PPP2R5C: variants seen among roughly 807,000 people sequenced by gnomAD.
PPP2R5C encodes serine/threonine-protein phosphatase 2A 56 kDa regulatory subunit gamma isoform.
Under a neutral mutation model 68.9 loss-of-function variants are expected in PPP2R5C, and 7 were observed. That is an observed-to-expected ratio of 0.10 (90% CI 0.06 to 0.19). The LOEUF (loss-of-function observed/expected upper bound fraction) is 0.19. Among genes scored for constraint, PPP2R5C ranks in the 10% least tolerant of loss-of-function variants. The pLI is 1.00. For missense variants in PPP2R5C, 348 were observed against 641.3 expected (o/e 0.54, Z 4.94); for synonymous variants, 210 against 222.2 (o/e 0.95, Z 0.49).
chr14:101,816,335 A>G (rs528300993), intron 1 of PPP2R5C, among the ~76,000 whole-genome samples: 18 of 152,358 alleles, frequency 1.2e-4, no homozygotes, highest in African/African-American at 4.1e-4. Context: ...CATCTTGGAA[A>G]GACGCTGGCT....
In PPP2R5C at chr14:101,826,635, T is replaced by G. The variant is rs555959087; in HGVS notation, c.94+16599T>G. On this transcript the variant is annotated intron_variant, in intron 1 of 13. Transcript: ENST00000334743. ...TTTGGGTCCCTTTTGGTATATTGGG[T>G]CCATTTTATTCAATGATGTAATGAT... Among the ~76,000 whole-genome samples the G allele has an allele frequency of 1.4e-4, 21 of 152,336 alleles. No individual in the cohort carries two copies. In the South Asian group the frequency reaches 2.1e-3, roughly 15 times the overall value.
Position 101,844,142 on chromosome 14 carries a change from G to GTTTTTTTT in PPP2R5C, c.95-12535_95-12528dup, listed in dbSNP as rs75704094. The GTTTTTTTT allele has an allele frequency of 3.2e-5, 4 of 126,236 alleles. 1 individual carries two copies. The highest frequency in any genetic ancestry group is 1.7e-5 in the Non-Finnish European group (1 of 58,850). 7.8% of individuals were successfully genotyped at this position (126,236 alleles called of 1,614,324 possible). ...ATTATCTGTTTTTGGTGTTTTTTTTGTTTTTTTTTTTTTTTTGAGTTGATG... is the reference window on the plus strand; with the variant it reads ...ATTATCTGTTTTTGGTGTTTTTTTTGTTTTTTTTTTTTTTTTTTTTTTTTGAGTTGATG... On this transcript the variant is annotated intron_variant, in intron 1 of 13. Coordinates refer to ENST00000334743, the Ensembl canonical transcript of PPP2R5C.
intron 11 of PPP2R5C, among the ~76,000 whole-genome samples, chr14:101,910,122 GGT>G (rs528830401): frequency 9.2e-5 from 14 of 152,242 alleles, no homozygotes; most frequent in Admixed American, 1.3e-4. Context: ...CAGCGATGTG[GGT>G]GTTCTCTGGA....
intron 3 of PPP2R5C, among the ~76,000 whole-genome samples, chr14:101,802,935 T>C (rs1158763278): frequency 1.6e-5 from 2 of 125,452 alleles, no homozygotes; most frequent in Non-Finnish European, 3.2e-5. Context: ...TCACACCCAC[T>C]AGGATGGCTA....
At chr14:101,819,622 T>C (rs2039925673) in intron 1 of PPP2R5C, 1 of 153,580 alleles carries the variant, frequency 6.5e-6, no homozygotes, top group South Asian at 2.0e-4. Flanking sequence ...GTTTTGTTTT[T>C]GTTTGGGTTT....
At chr14:101,851,197 T>G (rs1365320668) in intron 1 of PPP2R5C, among the ~76,000 whole-genome samples, 2 of 152,188 alleles carry the variant, frequency 1.3e-5, no homozygotes, top group East Asian at 3.8e-4. Context: ...TTTGGGAGGC[T>G]GAGGCAGGAG....
At chr14:101,795,614 C>T (rs2038569732) in intron 3 of PPP2R5C, among the ~76,000 whole-genome samples, 1 of 151,968 alleles carries the variant, frequency 6.6e-6, no homozygotes. Context: ...AAAGTTATAG[C>T]AGAATAATGT....
intron 13 of PPP2R5C, among the ~76,000 whole-genome samples, chr14:101,923,394 T>C (rs929935590): frequency 1.3e-5 from 2 of 152,232 alleles, no homozygotes; most frequent in Non-Finnish European, 2.9e-5. Flanking sequence ...TGTAATTACA[T>C]ATTTCAAGTA....
chr14:101,856,958 T>C, intron 2 of PPP2R5C, 73 bp downstream of exon 4: 1 of 1,402,050 alleles, frequency 7.1e-7, no homozygotes, highest in Non-Finnish European at 1.0e-6. Flanking sequence ...TCTCTGAGCC[T>C]AACACAGTGC....
intron 2 of PPP2R5C, among the ~76,000 whole-genome samples, chr14:101,875,330 C>A (rs770141744): frequency 6.6e-5 from 10 of 152,280 alleles, no homozygotes; most frequent in Admixed American, 2.0e-4. Flanking sequence ...CCAAGGACTT[C>A]CCGGCCACCC....
chr14:101,915,052 TTTTGGTTTGGTTTGG>T lies in PPP2R5C; in HGVS notation c.1326+2589_1326+2603del, dbSNP rs747682001. On this transcript the variant is annotated intron_variant, in intron 12 of 13. Transcript: ENST00000334743. This position sits in a 1 kb window ranked among gnomAD's most constrained non-coding sequence, Gnocchi z 4.2. ...GAATGCACCTCAGTGAAGGTTTTTG[TTTTGGTTTGGTTTGG>T]TTTGGTTTGATTTGGTTTGGTTTGT... is the stretch of plus-strand genomic sequence containing the variant. Among the ~76,000 whole-genome samples the T allele has an allele frequency of 2.0e-5, 3 of 151,966 alleles. No homozygotes were observed. The highest frequency in any genetic ancestry group is 2.9e-5 in the Non-Finnish European group (2 of 67,990).
chr14:101,838,234 A>G (rs1005611514), intron 1 of PPP2R5C, among the ~76,000 whole-genome samples: 8 of 152,218 alleles, frequency 5.3e-5, no homozygotes, highest in African/African-American at 1.9e-4. Flanking sequence ...GAGAGTAAAG[A>G]CAAGTAGACC....
At chr14:101,844,351 C>CA (rs2041692529) in intron 1 of PPP2R5C, among the ~76,000 whole-genome samples, 2 of 152,154 alleles carry the variant, frequency 1.3e-5, no homozygotes, top group Non-Finnish European at 2.9e-5. Context: ...ATTGGACACA[C>CA]ACGTGCACAC....
chr14:101,923,957 G>A (rs2047149839), intron 13 of PPP2R5C, among the ~76,000 whole-genome samples: 1 of 152,312 alleles, frequency 6.6e-6, no homozygotes, highest in Non-Finnish European at 1.5e-5. Flanking sequence ...CTTAAATTTT[G>A]TCTGCTAGAC....
chr14:101,830,506 G>A (rs2040672446), intron 1 of PPP2R5C, among the ~76,000 whole-genome samples: 1 of 152,214 alleles, frequency 6.6e-6, no homozygotes, highest in African/African-American at 2.4e-5. Context: ...TCCACCCGAG[G>A]TGGGGCCCTG....
rs1022552243 is a variant in PPP2R5C, at chr14:101,911,171, G to A, written c.1254-1230G>A. On this transcript the variant is annotated intron_variant, in intron 11 of 13. Coordinates refer to ENST00000334743, the Ensembl canonical transcript of PPP2R5C. ...CGGGTGCCTGTAGTCCCAGCTACTC[G>A]GGCTGAGGCAGGAGGATGGCGTGAA... Among the ~76,000 whole-genome samples, 8 of 151,324 alleles carry A rather than the reference G, an allele frequency of 5.3e-5. No homozygotes were observed. In the East Asian group the frequency reaches 1.4e-3, roughly 26 times the overall value.
chr14:101,795,675 C>T (rs550749725), intron 3 of PPP2R5C, among the ~76,000 whole-genome samples: 29 of 152,016 alleles, frequency 1.9e-4, no homozygotes, highest in Admixed American at 9.8e-4. Context: ...AAAGAGTTGC[C>T]GAGTATTTGG....
chr14:101,849,156 T>C (rs1042341653), intron 1 of PPP2R5C, among the ~76,000 whole-genome samples: 10 of 152,238 alleles, frequency 6.6e-5, no homozygotes, highest in Non-Finnish European at 1.5e-4. Context: ...AATCCACCAC[T>C]GATGGGCATT....
At chr14:101,845,139 A>T (rs1002905519) in intron 1 of PPP2R5C, among the ~76,000 whole-genome samples, 4 of 74,834 alleles carry the variant, frequency 5.3e-5, no homozygotes, top group African/African-American at 2.7e-4. Context: ...TTCCCTGTTT[A>T]AAAAAAAAAA....
Sources: gnomAD v4.1 joint callset for allele counts (sites outside exome capture counted in the v4.1 genomes callset) on GRCh38, gnomAD v4.1.1 for gene constraint, Gnocchi (gnomAD v3.1) non-coding constraint, MANE v1.5 for transcripts, NCBI Gene and HGNC (gene_info 2026-07-23, HGNC 2026-07-21) for gene names.